The following CLVS1 variants were observed in gnomAD, a reference collection of about 807,000 sequenced individuals.
CLVS1 encodes clavesin-1.
CLVS1 carries 10 observed loss-of-function variants against 33.1 expected under a neutral mutation model. The observed-to-expected ratio is 0.30, with a 90% CI of 0.19 to 0.51. The LOEUF (loss-of-function observed/expected upper bound fraction) is 0.51. Ranked by LOEUF, CLVS1 falls within the 20% of genes least tolerant of loss-of-function variation. The pLI is 0.97. For synonymous variants in CLVS1, 163 were observed against 166.1 expected (o/e 0.98, Z 0.14); for missense variants, 343 against 433.4 (o/e 0.79, Z 1.85).
At chr8:61,335,896 A>G (rs1357154218) in intron 2 of CLVS1, among the ~76,000 whole-genome samples, 3 of 152,186 alleles carry the variant, frequency 2.0e-5, no homozygotes. Flanking sequence ...TGCTGGAGGA[A>G]AACCTACTTG....
intron 2 of CLVS1, among the ~76,000 whole-genome samples, chr8:61,141,587 A>G (rs1369559321): frequency 2.6e-5 from 4 of 152,186 alleles, no homozygotes; most frequent in Non-Finnish European, 4.4e-5. Flanking sequence ...TGAATACATA[A>G]AAATAGGTAT....
At chr8:61,454,283 TG>T (rs772006868) in intron 4 of CLVS1, 32 bp downstream of exon 4, 45 of 1,504,570 alleles carry the variant, frequency 3.0e-5, no homozygotes, top group Middle Eastern at 3.4e-4. Context: ...TGTAAATTCC[TG>T]GTACAATTTT....
chr8:61,452,999 C>T (rs1419862001), intron 3 of CLVS1, among the ~76,000 whole-genome samples: 3 of 152,080 alleles, frequency 2.0e-5, no homozygotes, highest in Non-Finnish European at 4.4e-5. Context: ...CCGGGTGAGG[C>T]ATCTCATATA....
intron 2 of CLVS1, among the ~76,000 whole-genome samples, chr8:61,216,008 G>A (rs1184951830): frequency 6.6e-6 from 1 of 152,084 alleles, no homozygotes; most frequent in African/African-American, 2.4e-5. Flanking sequence ...TCTTATATAG[G>A]GCAGATTAAC....
chr8:60,985,480 C>T, the CLVS1 span, among the ~76,000 whole-genome samples: 1 of 152,154 alleles, frequency 6.6e-6, no homozygotes, highest in Non-Finnish European at 1.5e-5. Context: ...CTCTGGTTCC[C>T]ATCCTTGTGC....
intron 2 of CLVS1, among the ~76,000 whole-genome samples, chr8:61,318,768 TTTTG>T (rs986506033): frequency 3.3e-5 from 5 of 151,952 alleles, no homozygotes; most frequent in Non-Finnish European, 7.4e-5. Context: ...ATCTGGTCCT[TTTTG>T]TTTGTTTGTT....
At chr8:61,254,577 G>C (rs2129591896) in intron 2 of CLVS1, among the ~76,000 whole-genome samples, 1 of 152,290 alleles carries the variant, frequency 6.6e-6, no homozygotes, top group South Asian at 2.1e-4. Context: ...CCCAGTTTGA[G>C]CTTCCCAGCC....
At chr8:60,988,132 G>A in the CLVS1 span, among the ~76,000 whole-genome samples, 1 of 152,162 alleles carries the variant, frequency 6.6e-6, no homozygotes, top group African/African-American at 2.4e-5. Context: ...TGGATGCAGA[G>A]TGAGCAGAGA....
chr8:60,995,946 G>A, the CLVS1 span, among the ~76,000 whole-genome samples: 15 of 152,146 alleles, frequency 9.9e-5, no homozygotes, highest in Admixed American at 9.8e-4. Context: ...CTCACTCATA[G>A]GTGGGAATTG....
intron 3 of CLVS1, among the ~76,000 whole-genome samples, chr8:61,386,285 G>T (rs571658425): frequency 6.6e-5 from 10 of 152,330 alleles, no homozygotes; most frequent in Non-Finnish European, 1.3e-4. Flanking sequence ...AGATGATGCT[G>T]TAGGTGGCTG....
the CLVS1 span, among the ~76,000 whole-genome samples, chr8:61,042,391 CCTT>C: frequency 1.3e-5 from 2 of 152,180 alleles, no homozygotes; most frequent in Non-Finnish European, 2.9e-5. Context: ...CAGGAGAAGA[CCTT>C]CTTAGTCCAT....
upstream of CLVS1, among the ~76,000 whole-genome samples, chr8:61,287,338 A>G (rs1453379739): frequency 6.6e-6 from 1 of 152,102 alleles, no homozygotes; most frequent in Non-Finnish European, 1.5e-5. Context: ...CTTTTTTTCT[A>G]AAAGGCTGTT....
chr8:61,371,847 C>T (rs1443693602), intron 2 of CLVS1, among the ~76,000 whole-genome samples: 1 of 152,146 alleles, frequency 6.6e-6, no homozygotes, highest in African/African-American at 2.4e-5. Context: ...TAACTGCTCA[C>T]AGTATAATGA....
At chr8:61,004,933 T>C in the CLVS1 span, among the ~76,000 whole-genome samples, 1 of 150,732 alleles carries the variant, frequency 6.6e-6, no homozygotes, top group Non-Finnish European at 1.5e-5. Context: ...TGTTTGTTTG[T>C]TTTTTGTTTA....
intron 3 of CLVS1, among the ~76,000 whole-genome samples, chr8:61,420,526 C>T (rs571261019): frequency 7.2e-5 from 11 of 152,156 alleles, no homozygotes; most frequent in Admixed American, 1.3e-4. Context: ...CGCTTGAACC[C>T]GGGAGGCGGA....
intron 2 of CLVS1, among the ~76,000 whole-genome samples, chr8:61,332,196 A>G (rs1387171994): frequency 1.3e-5 from 2 of 152,088 alleles, no homozygotes; most frequent in Non-Finnish European, 2.9e-5. Context: ...TCAGTTTGGG[A>G]TGTAGACTTT....
chr8:61,319,541 A>G (rs1811124397), intron 2 of CLVS1, among the ~76,000 whole-genome samples: 2 of 152,102 alleles, frequency 1.3e-5, no homozygotes, highest in Non-Finnish European at 2.9e-5. Flanking sequence ...CTTGACTTCC[A>G]TCTCATCACT....
intron 4 of CLVS1, among the ~76,000 whole-genome samples, chr8:61,454,735 G>A (rs1344725734): frequency 6.6e-6 from 1 of 152,200 alleles, no homozygotes; most frequent in Non-Finnish European, 1.5e-5. Flanking sequence ...GCTCTTATGA[G>A]GAAGGCTTTT....
At chr8:61,019,468 C>A in the CLVS1 span, among the ~76,000 whole-genome samples, 1 of 152,160 alleles carries the variant, frequency 6.6e-6, no homozygotes, top group Non-Finnish European at 1.5e-5. Context: ...AAATAAACTT[C>A]ATCCTGTGTC....
Sources: allele counts gnomAD v4.1 joint callset (sites outside exome capture counted in the v4.1 genomes callset), GRCh38; gene constraint gnomAD v4.1.1; transcripts MANE v1.5; gene names NCBI Gene and HGNC (gene_info 2026-07-23, HGNC 2026-07-21).